The following WDR33 variants were observed in gnomAD, a reference collection of about 807,000 sequenced individuals.
WDR33 encodes the protein pre-mRNA 3' end processing protein WDR33.
WDR33 carries 47 observed loss-of-function variants against 164.9 expected under a neutral mutation model. That is an observed-to-expected ratio of 0.29 (90% CI 0.23 to 0.36). The LOEUF (loss-of-function observed/expected upper bound fraction) is 0.36, where lower values mean the gene tolerates loss of function less well. Ranked by LOEUF, WDR33 falls within the 10% of genes least tolerant of loss-of-function variation. The probability of loss-of-function intolerance (pLI) is 1.00; values close to 1 mark genes in which losing one functional copy is unlikely to be tolerated. For synonymous variants in WDR33, 505 were observed against 589.0 expected (o/e 0.86, Z 2.06); for missense variants, 1,137 against 1,754.1 (o/e 0.65, Z 6.28).
In WDR33 at chr2:127,701,776, G is replaced by T. The variant is rs1281002368; in HGVS notation, c.*4547C>A. The T allele has an allele frequency of 4.9e-6, 7 of 1,430,038 alleles. No individual in the cohort carries two copies. The highest frequency in any genetic ancestry group is 6.4e-6 in the Non-Finnish European group (7 of 1,091,918). The allele number at this position is 1,430,038 out of a possible 1,614,324, so 88.6% of individuals were successfully genotyped here. On this transcript the variant is annotated 3_prime_UTR_variant, in exon 22 of 22. Coordinates refer to ENST00000322313, the MANE Select transcript of WDR33 (RefSeq NM_018383.5). Reference sequence around the variant, plus strand: ...CAGCGGCTGGCGGCGGGCGGCGGGTGCCTGCTGCTGGCTGCACTGTGTTTC... The same window carrying T: ...CAGCGGCTGGCGGCGGGCGGCGGGTTCCTGCTGCTGGCTGCACTGTGTTTC...
intron 1 of WDR33, among the ~76,000 whole-genome samples, chr2:127,772,875 C>A (rs942786242): frequency 6.6e-5 from 10 of 151,284 alleles, no homozygotes; most frequent in African/African-American, 2.4e-4. Context: ...GTTATCCCAG[C>A]ACTTTGGGGG....
At chr2:127,801,105 A>G (rs77441532) in intron 1 of WDR33, among the ~76,000 whole-genome samples, 3 of 55,122 alleles carry the variant, frequency 5.4e-5, no homozygotes, top group African/African-American at 1.8e-4. Context: ...TGTCTCTAGG[A>G]AAAAAAAAAA....
At chr2:127,772,754 G>A (rs1688050666) in intron 1 of WDR33, among the ~76,000 whole-genome samples, 1 of 152,054 alleles carries the variant, frequency 6.6e-6, no homozygotes, top group Non-Finnish European at 1.5e-5. Flanking sequence ...TAGTTTTTCA[G>A]CTTCAATGCT....
In WDR33 at chr2:127,706,437, G is replaced by T; in HGVS notation, c.3897C>A (p.Gly1299=). 6.2e-7 allele frequency: 1 copy of T among 1,613,518 alleles called. No homozygotes were observed. Among genetic ancestry groups the T allele is most frequent in the Non-Finnish European group, 8.5e-7 (1 of 1,179,766 alleles). ...HRDEPFGGPP[G]SGTPSRGGRS... ...GGCCCCCTCGAGAAGGGGTGCCACT[G>T]CCTGGAGGGCCCCCAAAAGGTTCAT... The change falls in exon 22 of 22, where the codon GGC becomes GGA. Residue 1299 remains glycine, a synonymous_variant. Coordinates refer to ENST00000322313, the MANE Select transcript of WDR33 (RefSeq NM_018383.5). This position sits in a 1 kb window ranked among gnomAD's most constrained non-coding sequence, Gnocchi z 5.1.
chr2:127,715,088 C>CTTTTTTTTTTT (rs386391178), intron 17 of WDR33, among the ~76,000 whole-genome samples: 16 of 108,574 alleles, frequency 1.5e-4, no homozygotes, highest in Non-Finnish European at 2.5e-4. Flanking sequence ...TTCTTTGTTT[C>CTTTTTTTTTTT]TTTTTTTTTT....
rs918581662 is a variant in WDR33 at position 127,713,671 on chromosome 2, G to C, written c.3220C>G (p.Pro1074Ala). 3.7e-6 allele frequency: 6 copies of C among 1,614,106 alleles called. No homozygotes were observed. Among genetic ancestry groups the C allele is most frequent in the Admixed American group, 3.3e-5 (2 of 60,014 alleles). Residue 1074 changes from proline (P) to alanine (A), a missense_variant, in exon 18 of 22, where the codon CCG (proline) becomes GCG (alanine). Pro to Ala is a conservative substitution (Grantham distance 27, BLOSUM62 -1). This residue lies in a region of WDR33 where 867 missense variants were observed against 1,073.0 expected (regional missense o/e 0.81). Transcript: ENST00000322313. The surrounding 1 kb of genome is among the most constrained non-coding windows in gnomAD (Gnocchi z 6.2). ...GGCCTGCGGCCTTCCCATGCCCCCG[G>C]AGGGCCTCGGGCTGCACCCCGGCCA... ...GDGRGAARGPPGAWEGRRPGD... is the reference protein window; with the variant it reads ...GDGRGAARGPAGAWEGRRPGD...
chr2:127,808,389 C>T (rs1365040883), intron 1 of WDR33, among the ~76,000 whole-genome samples: 1 of 152,168 alleles, frequency 6.6e-6, no homozygotes, highest in Non-Finnish European at 1.5e-5. Context: ...CTTTCCAATA[C>T]TACCTAGCTC....
intron 1 of WDR33, among the ~76,000 whole-genome samples, chr2:127,788,454 C>G (rs1362838756): frequency 2.5e-5 from 3 of 120,256 alleles, no homozygotes; most frequent in African/African-American, 6.9e-5. Flanking sequence ...CCGGACGGGG[C>G]GGCTGGCCGG....
intron 1 of WDR33, among the ~76,000 whole-genome samples, chr2:127,779,763 T>C (rs1270654033): frequency 6.6e-6 from 1 of 152,182 alleles, no homozygotes; most frequent in East Asian, 1.9e-4. Flanking sequence ...ATACTGTGGC[T>C]GATCACAGTA....
rs752659679 is a variant in WDR33 at position 127,724,287 on chromosome 2, T to A, written c.1196+46A>T. 4.9e-6 allele frequency: 7 copies of A among 1,424,186 alleles called. No homozygotes were observed. Among genetic ancestry groups the A allele is most frequent in the Non-Finnish European group, 4.9e-6 (5 of 1,014,382 alleles). The allele number at this position is 1,424,186 out of a possible 1,614,324, so 88.2% of individuals were successfully genotyped here. A position where few individuals can be genotyped will look rare whatever the true frequency, so the allele number is the denominator to read the frequency against. ...AAAATAAACACATACAGTATTTATTTCCTGTTGCTCCATATAAAGCTTTGC... is the reference window on the plus strand; with the variant it reads ...AAAATAAACACATACAGTATTTATTACCTGTTGCTCCATATAAAGCTTTGC... On this transcript the variant is annotated intron_variant, in intron 11 of 21. Transcript: ENST00000322313. The surrounding 1 kb of genome is among the most constrained non-coding windows in gnomAD (Gnocchi z 4.8).
rs1406279698 is a variant in WDR33, at chr2:127,705,336, GATCT to G, written c.*983_*986del. On this transcript the variant is annotated 3_prime_UTR_variant, in exon 22 of 22. Coordinates refer to ENST00000322313, the MANE Select transcript of WDR33 (RefSeq NM_018383.5). The surrounding 1 kb of genome is among the most constrained non-coding windows in gnomAD (Gnocchi z 4.5). ...TAAACAAGGAATTTGCCATGGACAA[GATCT>G]ATCTGGCTTACTGTGAGTTAGAAGT... The G allele has an allele frequency of 1.9e-5, 3 of 160,498 alleles. No individual in the cohort carries two copies. The highest frequency in any genetic ancestry group is 4.4e-5 in the Non-Finnish European group (3 of 68,080). 9.9% of individuals were successfully genotyped at this position (160,498 alleles called of 1,614,324 possible).
rs1015535847 is a variant in WDR33 at position 127,765,158 on chromosome 2, T to A, written c.474+16A>T. ...AGTACCACAGGATGATGATACCATC[T>A]GGTGATTATCATTACCTGTAATATT... On this transcript the variant is annotated intron_variant, in intron 5 of 21. Coordinates refer to ENST00000322313, the MANE Select transcript of WDR33 (RefSeq NM_018383.5). 6.3e-6 allele frequency: 10 copies of A among 1,599,936 alleles called. No individual in the cohort carries two copies. The highest frequency in any genetic ancestry group is 1.3e-5 in the African/African-American group (1 of 74,632).
At position 127,721,106 on chromosome 2, in the gene WDR33, A is replaced by ATGT. The variant is rs756407885; in HGVS notation, c.1671+727_1671+729dup. Among the ~76,000 whole-genome samples, 3 of 151,990 alleles carry ATGT rather than the reference A, an allele frequency of 2.0e-5. No individual in the cohort carries two copies. Among genetic ancestry groups the ATGT allele is most frequent in the Admixed American group, 6.6e-5 (1 of 15,258 alleles). On this transcript the variant is annotated intron_variant, in intron 15 of 21. Coordinates refer to ENST00000322313, the MANE Select transcript of WDR33 (RefSeq NM_018383.5). The surrounding 1 kb of genome is among the most constrained non-coding windows in gnomAD (Gnocchi z 4.9). ...ACTGCCCCACTAATTCAGTTTTTTT[A>ATGT]TGTTGTTGTTGTTGTTTTTGAGACA...
intron 1 of WDR33, among the ~76,000 whole-genome samples, chr2:127,775,514 A>G (rs2105451461): frequency 6.6e-6 from 1 of 152,332 alleles, no homozygotes; most frequent in South Asian, 2.1e-4. Flanking sequence ...TTTAAGGGAC[A>G]GCAGATGAAA....
intron 7 of WDR33, chr2:127,762,495 G>A (rs375258241): frequency 1.0e-5 from 10 of 981,852 alleles, no homozygotes; most frequent in East Asian, 2.3e-4. Context: ...CTTCAGTTAC[G>A]GAATGAAGTA....
At chr2:127,801,778 G>C (rs1689256389) in intron 1 of WDR33, among the ~76,000 whole-genome samples, 1 of 152,112 alleles carries the variant, frequency 6.6e-6, no homozygotes, top group East Asian at 1.9e-4. Flanking sequence ...CAGCTACTCG[G>C]GAGACTGAGG....
intron 1 of WDR33, among the ~76,000 whole-genome samples, chr2:127,783,328 T>C (rs1372075405): frequency 2.6e-5 from 4 of 152,204 alleles, no homozygotes; most frequent in African/African-American, 9.7e-5. Context: ...TCTTCCTCAT[T>C]AGAAGTAATA....
chr2:127,734,687 G>C (rs2105394988), intron 7 of WDR33, among the ~76,000 whole-genome samples: 1 of 152,236 alleles, frequency 6.6e-6, no homozygotes, highest in African/African-American at 2.4e-5. Flanking sequence ...AACAAGACCT[G>C]AATACTGGGG....
intron 1 of WDR33, among the ~76,000 whole-genome samples, chr2:127,781,252 G>A (rs1028778608): frequency 4.6e-5 from 7 of 152,136 alleles, no homozygotes; most frequent in South Asian, 2.1e-4. Context: ...CATATTGTAC[G>A]CTTCATTTAT....
Sources: allele counts gnomAD v4.1 joint callset (sites outside exome capture counted in the v4.1 genomes callset), GRCh38; gene constraint gnomAD v4.1.1; regional missense constraint gnomAD v4.1.1; non-coding constraint Gnocchi (gnomAD v3.1); transcripts MANE v1.5; gene names NCBI Gene and HGNC (gene_info 2026-07-23, HGNC 2026-07-21).